The following MAP3K11 variants were observed in gnomAD, a reference collection of about 807,000 sequenced individuals.
MAP3K11 encodes SH3 domain-containing proline-rich kinase.
MAP3K11 carries 46 observed loss-of-function variants against 84.9 expected under a neutral mutation model. That is an observed-to-expected ratio of 0.54 (90% confidence interval 0.43 to 0.69). The LOEUF (loss-of-function observed/expected upper bound fraction) is 0.69, where lower values mean the gene tolerates loss of function less well. Ranked by LOEUF, MAP3K11 falls within the 30% of genes least tolerant of loss-of-function variation. MAP3K11 has a pLI of 0.00. For missense variants in MAP3K11, 1,053 were observed against 1,198.3 expected (o/e 0.88, Z 1.79); for synonymous variants, 527 against 514.7 (o/e 1.02, Z -0.32).
Position 65,613,065 on chromosome 11 carries a change from C to T in MAP3K11, c.692G>A (p.Cys231Tyr). Residue 231 changes from cysteine to tyrosine, a missense_variant, in exon 1 of 10, where the codon TGC becomes TAC. Cys to Tyr is a radical substitution (Grantham distance 194, BLOSUM62 -2). This residue lies in a region of MAP3K11 where 310 missense variants were observed against 464.5 expected (regional missense o/e 0.67). Coordinates refer to ENST00000309100, the MANE Select transcript of MAP3K11 (RefSeq NM_002419.4). ...GTGGATGACGGGCACCAGGGCCTCG[C>T]AGTGCAGGTAGTGCATCCCACGGGC... ...QIARGMHYLH[C>Y]EALVPVIHRD... 1 of 1,524,456 alleles carries T rather than the reference C, an allele frequency of 6.6e-7. No homozygotes were observed. Among genetic ancestry groups the T allele is most frequent in the Non-Finnish European group, 8.8e-7 (1 of 1,136,218 alleles). The allele number at this position is 1,524,456 out of a possible 1,614,324, so 94.4% of individuals were successfully genotyped here. A position where few individuals can be genotyped will look rare whatever the true frequency, so the allele number is the denominator to read the frequency against.
chr11:65,605,900 G>C lies in MAP3K11; in HGVS notation c.1739+46C>G, dbSNP rs972259593. 4.3e-6 allele frequency: 7 copies of C among 1,611,936 alleles called. No homozygotes were observed. The African/African-American group carries it at 6.7e-5, about 15-fold the overall frequency. On this transcript the variant is annotated intron_variant, in intron 7 of 9. Coordinates refer to ENST00000309100, the MANE Select transcript of MAP3K11 (RefSeq NM_002419.4). ...GGGTGCTTTAGGAATTTCAGGACTT[G>C]GGGAAAGCAAATGATGCTGGGTCTG...
intron 8 of MAP3K11, among the ~76,000 whole-genome samples, chr11:65,603,266 C>T (rs1307918119): frequency 1.3e-5 from 2 of 152,244 alleles, no homozygotes; most frequent in African/African-American, 4.8e-5. Flanking sequence ...GAATCTGCCT[C>T]TAAGCTTCCT....
rs1854610226 is a variant in MAP3K11 at position 65,613,627 on chromosome 11, G to T, written c.130C>A (p.Pro44Thr). 6.2e-7 allele frequency: 1 copy of T among 1,613,014 alleles called. No individual in the cohort carries two copies. Among genetic ancestry groups the T allele is most frequent in the South Asian group, 1.1e-5 (1 of 91,086 alleles). ...TAGTCGAACAGGGCTGTCCACACCGGGTTGGCATAACCCGCTGCCTTTGGA... is the reference window on the plus strand; with the variant it reads ...TAGTCGAACAGGGCTGTCCACACCGTGTTGGCATAACCCGCTGCCTTTGGA... ...GSPKAAGYAN[P>T]VWTALFDYEP... Residue 44 changes from proline to threonine, a missense_variant, in exon 1 of 10, where the codon CCG becomes ACG. Pro to Thr is a conservative substitution (Grantham distance 38). Coordinates refer to ENST00000309100, the MANE Select transcript of MAP3K11 (RefSeq NM_002419.4).
chr11:65,611,532 G>T, intron 1 of MAP3K11: 1 of 152,448 alleles, frequency 6.6e-6, no homozygotes. Flanking sequence ...TGAGAGGGAA[G>T]CAGGGGAACT....
chr11:65,600,644 C>T (rs1854445907), intron 8 of MAP3K11, among the ~76,000 whole-genome samples: 1 of 152,214 alleles, frequency 6.6e-6, no homozygotes, highest in Non-Finnish European at 1.5e-5. Flanking sequence ...TGGGGAACCC[C>T]TCATTAAGGA....
In MAP3K11 at chr11:65,608,410, G is replaced by A. The variant is rs1854537638; in HGVS notation, c.778C>T (p.His260Tyr). The A allele has an allele frequency of 1.2e-6, 2 of 1,614,200 alleles. No homozygotes were observed. Among genetic ancestry groups the A allele is most frequent in the Non-Finnish European group, 1.7e-6 (2 of 1,180,038 alleles). The part of the protein sequence containing the change: ...LQPIESDDME[H>Y]KTLKITDFGL... ...AAGTCGGTGATCTTCAGGGTCTTGTGCTCCATGTCGTCACTCTCAATGGGC... is the reference window on the plus strand; with the variant it reads ...AAGTCGGTGATCTTCAGGGTCTTGTACTCCATGTCGTCACTCTCAATGGGC... Residue 260 changes from histidine to tyrosine, a missense_variant, in exon 2 of 10, where the codon CAC becomes TAC. His to Tyr is a moderately conservative substitution (Grantham distance 83). This residue lies in a region of MAP3K11 where 310 missense variants were observed against 464.5 expected (regional missense o/e 0.67). Coordinates refer to ENST00000309100, the MANE Select transcript of MAP3K11 (RefSeq NM_002419.4).
chr11:65,604,590 G>C (rs755749106), intron 8 of MAP3K11, among the ~76,000 whole-genome samples: 6 of 152,228 alleles, frequency 3.9e-5, no homozygotes, highest in Admixed American at 1.3e-4. Context: ...CTGTGCCTCA[G>C]TTTTCTCTGT....
chr11:65,599,316 T>G, intron 9 of MAP3K11, 78 bp downstream of exon 9: 2 of 1,444,704 alleles, frequency 1.4e-6, no homozygotes, highest in Non-Finnish European at 1.8e-6. Context: ...CCTCCTTGCA[T>G]GTCCCCACCA....
chr11:65,606,900 A>T, intron 5 of MAP3K11, 96 bp from the exon 6 acceptor site: 1 of 766,338 alleles, frequency 1.3e-6, no homozygotes, highest in South Asian at 1.6e-5. Context: ...CCCAGGCCAC[A>T]TAGGGAGCGG....
chr11:65,613,467 G>T lies in MAP3K11; in HGVS notation c.290C>A (p.Ser97Tyr), dbSNP rs201471095. 19 of 1,612,166 alleles carry T rather than the reference G, an allele frequency of 1.2e-5. No individual in the cohort carries two copies. The African/African-American group carries it at 2.3e-4, about 19-fold the overall frequency. The change falls in exon 1 of 10, where the codon TCC (serine) becomes TAC (tyrosine). Residue 97 changes from serine (S) to tyrosine (Y), a missense_variant. This residue lies in a region of MAP3K11 where 160 missense variants were observed against 167.3 expected (regional missense o/e 0.96). Transcript: ENST00000309100. ...QVGGQVGIFP[S>Y]NYVSRGGGPP... ...GCCGCCACCCCGAGACACATAGTTG[G>T]ACGGGAAGATGCCCACCTGGCCACC...
Position 65,613,753 on chromosome 11 carries a change from C to T in MAP3K11, c.4G>A (p.Glu2Lys). 3.2e-6 allele frequency: 5 copies of T among 1,548,746 alleles called. No homozygotes were observed. The East Asian group carries it at 6.8e-5, about 21-fold the overall frequency. Residue 2 changes from glutamate (E) to lysine (K), a missense_variant, in exon 1 of 10, where the codon GAG (glutamate) becomes AAG (lysine). Around this residue, in one of 3 missense-constraint regions of MAP3K11, gnomAD observed 160 missense variants for 167.3 expected, o/e 0.96. Transcript: ENST00000309100. The part of the protein sequence containing the change: M[E>K]PLKSLFLKSP... ...TTGAGGAAGAGGCTCTTCAAGGGCT[C>T]CATGGCCGGGAGCCGGCGCTGGGAT... is the stretch of plus-strand genomic sequence containing the variant.
At chr11:65,608,194 G>A in intron 2 of MAP3K11, 74 bp downstream of exon 2, 12 of 1,590,640 alleles carry the variant, frequency 7.5e-6, no homozygotes, top group Non-Finnish European at 1.0e-5. Context: ...ACTTGGCCCA[G>A]CCCTAGATTT....
Position 65,614,082 on chromosome 11 carries a change from C to G in MAP3K11, c.-326G>C, listed in dbSNP as rs1354918189. ...CCTGGGAGCCTGGCTCCGGCCCCCG[C>G]CAAGTGTAAGGTGGGGCCTTCAGGG... On this transcript the variant is annotated 5_prime_UTR_variant, in exon 1 of 10. Coordinates refer to ENST00000309100, the MANE Select transcript of MAP3K11 (RefSeq NM_002419.4). 2.3e-5 allele frequency: 7 copies of G among 309,068 alleles called. No homozygotes were observed. In the South Asian group the frequency reaches 5.5e-4, roughly 24 times the overall value. The allele number at this position is 309,068 out of a possible 1,614,324, so 19.1% of individuals were successfully genotyped here. A position where few individuals can be genotyped will look rare whatever the true frequency, so the allele number is the denominator to read the frequency against.
chr11:65,607,609 G>T, intron 4 of MAP3K11, 32 bp downstream of exon 4: 2 of 1,580,076 alleles, frequency 1.3e-6, no homozygotes, highest in Non-Finnish European at 8.6e-7. Context: ...GGAGACACTC[G>T]TTCCAACGCT....
chr11:65,613,154 G>A lies in MAP3K11; in HGVS notation c.603C>T (p.Leu201=). 1 of 1,592,648 alleles carries A rather than the reference G, an allele frequency of 6.3e-7. No individual in the cohort carries two copies. Among genetic ancestry groups the A allele is most frequent in the South Asian group, 1.1e-5 (1 of 87,046 alleles). Residue 201 remains leucine, a synonymous_variant, in exon 1 of 10, where the codon CTC becomes CTT. Transcript: ENST00000309100. ...CGCGCCGCCCGGCCAGAGCTCGGCT[G>A]AGGGGCCCACCGGCTGCATACTCCA... The part of the protein sequence containing the change: ...LVMEYAAGGP[L]SRALAGRRVP...
chr11:65,607,122 AC>A, intron 5 of MAP3K11, 147 bp downstream of exon 5: 1 of 1,145,644 alleles, frequency 8.7e-7, no homozygotes, highest in East Asian at 3.2e-5. Flanking sequence ...CAGAAAAAAA[AC>A]ACTCCTGGCT....
In MAP3K11 at chr11:65,607,444, G is replaced by A; in HGVS notation, c.1315C>T (p.Arg439Trp). The A allele has an allele frequency of 6.6e-7, 1 of 1,519,710 alleles. No homozygotes were observed. Among genetic ancestry groups the A allele is most frequent in the Non-Finnish European group, 8.7e-7 (1 of 1,143,954 alleles). The allele number at this position is 1,519,710 out of a possible 1,614,324, so 94.1% of individuals were successfully genotyped here. A position where few individuals can be genotyped will look rare whatever the true frequency, so the allele number is the denominator to read the frequency against. ...TGGGCCAGCAGGTGCTCGCGCCGCC[G>A]CAGCTGCTCCGCCTGTGACCGCTGC... ...REQRSQAEQLRRREHLLAQWE... is the reference protein window; with the variant it reads ...REQRSQAEQLWRREHLLAQWE... Residue 439 changes from arginine (R) to tryptophan (W), a missense_variant, in exon 5 of 10, where the codon CGG (arginine) becomes TGG (tryptophan). By Grantham distance (101) the Arg-to-Trp change is moderately radical. Transcript: ENST00000309100.
At chr11:65,601,888 G>A (rs562233471) in intron 8 of MAP3K11, among the ~76,000 whole-genome samples, 6 of 151,926 alleles carry the variant, frequency 3.9e-5, no homozygotes, top group Non-Finnish European at 8.8e-5. Flanking sequence ...TTAAACAGAA[G>A]AGGGGAAATC....
chr11:65,609,279 C>T (rs977104312), intron 1 of MAP3K11: 5 of 152,140 alleles, frequency 3.3e-5, no homozygotes, highest in South Asian at 2.1e-4. Flanking sequence ...ACCACAGGCC[C>T]CTAGTGCCCA....
Sources: allele counts gnomAD v4.1 joint callset (sites outside exome capture counted in the v4.1 genomes callset), GRCh38; gene constraint gnomAD v4.1.1; regional missense constraint gnomAD v4.1.1; transcripts MANE v1.5; gene names NCBI Gene and HGNC (gene_info 2026-07-23, HGNC 2026-07-21).